Variants in PCNX1 observed in about 807,000 individuals in gnomAD.
PCNX1 encodes the protein pecanex 1.
In PCNX1, 78 loss-of-function variants were observed where a neutral mutation model predicts 242.2. The observed-to-expected ratio is 0.32, with a 90% CI of 0.27 to 0.39. PCNX1 has a LOEUF of 0.39. Ranked by LOEUF, PCNX1 falls within the 10% of genes least tolerant of loss-of-function variation. The pLI, the probability that PCNX1 is intolerant of heterozygous loss-of-function variation, is 1.00. For synonymous variants in PCNX1, 1,024 were observed against 1,032.9 expected, an observed-to-expected ratio of 0.99 and a Z score of 0.17; for missense variants, 2,581 against 2,856.5, an observed-to-expected ratio of 0.90 and a Z score of 2.20.
intron 5 of PCNX1, 84 bp downstream of exon 5, chr14:70,969,194 G>A: frequency 1.3e-6 from 1 of 789,682 alleles, no homozygotes; most frequent in Non-Finnish European, 2.2e-6. Flanking sequence ...CAATTTGGCA[G>A]AAGTTTATAA....
Position 70,988,602 on chromosome 14 carries a change from C to T in PCNX1, c.2347C>T (p.Arg783Cys), listed in dbSNP as rs751997396. The T allele has an allele frequency of 2.5e-6, 4 of 1,614,050 alleles. No homozygotes were observed. The highest frequency in any genetic ancestry group is 4.5e-5 in the East Asian group (2 of 44,870). ...CAGCGAGGAGGCAGTGTCATTTCGCCGTGAACGCAGCACATTTAGGCGCCA... is the reference window on the plus strand; with the variant it reads ...CAGCGAGGAGGCAGTGTCATTTCGCTGTGAACGCAGCACATTTAGGCGCCA... ...QASEEAVSFR[R>C]ERSTFRRQAV... The change falls in exon 7 of 36, where the codon CGT becomes TGT. Residue 783 changes from arginine (R) to cysteine (C), a missense_variant. By Grantham distance (180) the Arg-to-Cys change is radical (BLOSUM62 -3). This residue lies in a region of PCNX1 where 1,204 missense variants were observed against 1,216.7 expected (regional missense o/e 0.99). Transcript: ENST00000304743.
chr14:70,962,364 T>A (rs778407072), intron 3 of PCNX1, 33 bp downstream of exon 3: 1 of 1,161,298 alleles, frequency 8.6e-7, no homozygotes, highest in South Asian at 1.2e-5. Flanking sequence ...TTTGCCTTTT[T>A]CCCTCCTCCT....
chr14:71,037,174 TAAG>T (rs2060562634), intron 19 of PCNX1, among the ~76,000 whole-genome samples: 1 of 150,844 alleles, frequency 6.6e-6, no homozygotes, highest in African/African-American at 2.4e-5. Flanking sequence ...CTTATCAGCT[TAAG>T]GAGATTTTGG....
At chr14:70,980,054 T>C (rs976176685) in intron 6 of PCNX1, among the ~76,000 whole-genome samples, 6 of 151,766 alleles carry the variant, frequency 4.0e-5, no homozygotes, top group African/African-American at 1.5e-4. Flanking sequence ...CAAGAAACCA[T>C]TGGATTTTAA....
chr14:71,080,199 T>A (rs2061819003), intron 28 of PCNX1, among the ~76,000 whole-genome samples: 1 of 152,198 alleles, frequency 6.6e-6, no homozygotes, highest in Non-Finnish European at 1.5e-5. Context: ...GTGGCATTAT[T>A]TCTGAGGCCT....
chr14:70,974,095 T>C (rs934801367), intron 5 of PCNX1, among the ~76,000 whole-genome samples: 2 of 151,962 alleles, frequency 1.3e-5, no homozygotes, highest in Non-Finnish European at 2.9e-5. Context: ...CTGGCTTCTT[T>C]CATTTACCTT....
At chr14:70,908,147 G>A in intron 1 of PCNX1, 144 bp downstream of exon 1, 1 of 702,614 alleles carries the variant, frequency 1.4e-6, no homozygotes, top group Non-Finnish European at 2.2e-6. Flanking sequence ...CCCCCACTGC[G>A]TGCTCCCACT....
Position 70,980,791 on chromosome 14 carries a change from A to G in PCNX1, c.2311+2143A>G, listed in dbSNP as rs568991086. Among the ~76,000 whole-genome samples, 13 of 152,250 alleles carry G rather than the reference A, an allele frequency of 8.5e-5. No individual in the cohort carries two copies. The East Asian group carries it at 1.2e-3, about 14-fold the overall frequency. On this transcript the variant is annotated intron_variant, in intron 6 of 35. Transcript: ENST00000304743. ...AATTTAGAAGAAATGTTTCTGGGCT[A>G]TCCTTCCTTACATACTGTACTACTG...
chr14:71,104,475 C>A (rs1214863363), intron 32 of PCNX1, among the ~76,000 whole-genome samples: 1 of 151,964 alleles, frequency 6.6e-6, no homozygotes. Context: ...CATAGAGTGC[C>A]CAATTGTCCT....
At chr14:71,011,714 C>G (rs1441425202) in intron 10 of PCNX1, 165 bp downstream of exon 10, 5 of 585,718 alleles carry the variant, frequency 8.5e-6, no homozygotes, top group South Asian at 2.2e-5. Context: ...CTCTCTTTTT[C>G]TAAGTCCTTT....
rs1595447571 is a variant in PCNX1 at position 71,076,180 on chromosome 14, TCATG to T, written c.5107-8_5107-5del. 2 of 1,518,354 alleles carry T rather than the reference TCATG, an allele frequency of 1.3e-6. No homozygotes were observed. Among genetic ancestry groups the T allele is most frequent in the Non-Finnish European group, 1.8e-6 (2 of 1,095,212 alleles). 94.1% of individuals were successfully genotyped at this position (1,518,354 alleles called of 1,614,324 possible). A position where few individuals can be genotyped will look rare whatever the true frequency, so the allele number is the denominator to read the frequency against. On this transcript the variant is annotated splice_polypyrimidine_tract_variant and splice_region_variant and intron_variant, in intron 27 of 35. Coordinates refer to ENST00000304743, the MANE Select transcript of PCNX1 (RefSeq NM_014982.3). ...CTGAATTCTTTTTTTTTTGTCTTGT[TCATG>T]TTAGGGTATCATTTATTATGTTACG...
chr14:70,993,891 G>T (rs1405463633), intron 7 of PCNX1, among the ~76,000 whole-genome samples: 2 of 152,156 alleles, frequency 1.3e-5, no homozygotes, highest in Non-Finnish European at 2.9e-5. Context: ...AACAAATTAT[G>T]TATGTATGGA....
Position 71,088,346 on chromosome 14 carries a change from A to G in PCNX1, c.5354A>G (p.Lys1785Arg). The change falls in exon 29 of 36, where the codon AAA becomes AGA. Residue 1785 changes from lysine to arginine, a missense_variant. Coordinates refer to ENST00000304743, the MANE Select transcript of PCNX1 (RefSeq NM_014982.3). ...TTTTTAAAGCCTGTGGATGTGGACA[A>G]AGATTCATCCCTAGTGACTCTCTGT... is the stretch of plus-strand genomic sequence containing the variant. Reference protein sequence around the residue: ...SRRAKPVDVDKDSSLVTLCYG... With the variant: ...SRRAKPVDVDRDSSLVTLCYG... 1.2e-6 allele frequency: 2 copies of G among 1,607,800 alleles called. No individual in the cohort carries two copies. The highest frequency in any genetic ancestry group is 4.5e-5 in the East Asian group (2 of 44,822).
intron 1 of PCNX1, among the ~76,000 whole-genome samples, chr14:70,924,231 C>CAAAAAAAAAAAAA (rs60333920): frequency 1.0e-5 from 1 of 98,008 alleles, no homozygotes; most frequent in African/African-American, 4.0e-5. Context: ...GAGACTGTCT[C>CAAAAAAAAAAAAA]AAAAAAAAAA....
chr14:70,975,724 G>A (rs561412124), intron 5 of PCNX1, among the ~76,000 whole-genome samples: 3 of 151,964 alleles, frequency 2.0e-5, no homozygotes, highest in South Asian at 4.2e-4. Context: ...TTGCAGTTTG[G>A]TTGTCAAGCT....
intron 30 of PCNX1, among the ~76,000 whole-genome samples, chr14:71,094,945 A>G (rs2062234380): frequency 6.6e-6 from 1 of 152,194 alleles, no homozygotes; most frequent in Non-Finnish European, 1.5e-5. Context: ...AAAAACCCCA[A>G]TAAGAAACTG....
intron 30 of PCNX1, among the ~76,000 whole-genome samples, chr14:71,099,775 A>G (rs1029485322): frequency 1.3e-5 from 2 of 152,198 alleles, no homozygotes; most frequent in Non-Finnish European, 2.9e-5. Flanking sequence ...GTGCATATAT[A>G]TGTAGGATAG....
chr14:70,970,225 G>C (rs1042510190), intron 5 of PCNX1, among the ~76,000 whole-genome samples: 11 of 151,760 alleles, frequency 7.2e-5, no homozygotes, highest in African/African-American at 2.7e-4. Flanking sequence ...ATTTACCCGG[G>C]CATGATGGTG....
At chr14:70,930,513 A>G (rs1161829381) in intron 1 of PCNX1, among the ~76,000 whole-genome samples, 1 of 152,214 alleles carries the variant, frequency 6.6e-6, no homozygotes, top group Non-Finnish European at 1.5e-5. Flanking sequence ...ATTAATTCAA[A>G]TGTAGGTTAT....
Sources: gnomAD v4.1 joint callset for allele counts (sites outside exome capture counted in the v4.1 genomes callset) on GRCh38, gnomAD v4.1.1 for gene constraint, gnomAD v4.1.1 regional missense constraint, MANE v1.5 for transcripts, NCBI Gene and HGNC (gene_info 2026-07-23, HGNC 2026-07-21) for gene names.